The following CLSTN1 variants were observed in gnomAD, a reference collection of about 807,000 sequenced individuals.
CLSTN1 encodes calsyntenin 1.
Under a neutral mutation model 108.3 loss-of-function variants are expected in CLSTN1, and 28 were observed. The ratio of observed to expected loss-of-function variants is 0.26; its 90% CI spans 0.19 to 0.35. The LOEUF (loss-of-function observed/expected upper bound fraction) is 0.35. CLSTN1 is among the 10% of genes least tolerant of loss of function. The pLI is 1.00. For missense variants in CLSTN1, 1,157 were observed against 1,302.6 expected, an observed-to-expected ratio of 0.89 and a Z score of 1.72; for synonymous variants, 524 against 534.9, an observed-to-expected ratio of 0.98 and a Z score of 0.28.
chr1:9,787,972 G>A (rs6666402), intron 1 of CLSTN1, among the ~76,000 whole-genome samples: 117 of 151,476 alleles, frequency 7.7e-4, no homozygotes, highest in African/African-American at 2.6e-3. Context: ...ATTTGACTAA[G>A]GGTCCGGCGT....
At chr1:9,783,420 A>C (rs559818246) in intron 1 of CLSTN1, among the ~76,000 whole-genome samples, 2 of 152,304 alleles carry the variant, frequency 1.3e-5, no homozygotes, top group African/African-American at 2.4e-5. Flanking sequence ...CTCTACAAAA[A>C]AATGTTTTAA....
Position 9,791,663 on chromosome 1 carries a change from T to C in CLSTN1, c.92-18269A>G, listed in dbSNP as rs567622070. On this transcript the variant is annotated intron_variant, in intron 1 of 18. Coordinates refer to ENST00000377298, the MANE Select transcript of CLSTN1 (RefSeq NM_001009566.3). ...TCTCCTGCCTCAGCCTCCTGAGAAG[T>C]TGGGATTACAGGTGCCCACCACCAT... Among the ~76,000 whole-genome samples, 701 of 151,230 alleles carry C rather than the reference T, an allele frequency of 4.6e-3. 34 individuals are homozygous for C. The highest frequency in any genetic ancestry group is 0.046 in the East Asian group (226 of 4,932).
At chr1:9,769,366 T>A (rs116462826) in intron 2 of CLSTN1, among the ~76,000 whole-genome samples, 2 of 151,996 alleles carry the variant, frequency 1.3e-5, no homozygotes, top group African/African-American at 2.4e-5. Context: ...TGACCCATAA[T>A]AGCCAAAAAG....
chr1:9,811,304 T>C (rs1654746315), intron 1 of CLSTN1, among the ~76,000 whole-genome samples: 1 of 152,206 alleles, frequency 6.6e-6, no homozygotes, highest in Non-Finnish European at 1.5e-5. Flanking sequence ...CCAGTATTTA[T>C]TTTCTATTCA....
chr1:9,737,888 C>T (rs916218845), intron 10 of CLSTN1, among the ~76,000 whole-genome samples: 2 of 152,200 alleles, frequency 1.3e-5, no homozygotes, highest in Non-Finnish European at 2.9e-5. Flanking sequence ...GTAGGACACT[C>T]CACAGAGGCT....
chr1:9,802,870 G>C (rs943995911), intron 1 of CLSTN1, among the ~76,000 whole-genome samples: 4 of 148,680 alleles, frequency 2.7e-5, no homozygotes, highest in Non-Finnish European at 5.9e-5. Context: ...TGTCGCCCAG[G>C]CTGGAGTGCA....
rs1464716775 is a variant in CLSTN1 at position 9,749,621 on chromosome 1, C to T, written c.825G>A (p.Glu275=). 1 of 1,614,044 alleles carries T rather than the reference C, an allele frequency of 6.2e-7. No individual in the cohort carries two copies. Among genetic ancestry groups the T allele is most frequent in the Non-Finnish European group, 8.5e-7 (1 of 1,179,940 alleles). ...WQGWNNRIEY[E]PGTGALAVFP... ...AGACGGCCAACGCGCCGGTGCCCGGCTCATACTCAATCCTGTTGTTCCATC... is the reference window on the plus strand; with the variant it reads ...AGACGGCCAACGCGCCGGTGCCCGGTTCATACTCAATCCTGTTGTTCCATC... Residue 275 remains glutamate (E), a synonymous_variant, in exon 7 of 19, where the codon GAG becomes GAA. Transcript: ENST00000377298.
chr1:9,757,770 C>A (rs1362469650), intron 2 of CLSTN1, among the ~76,000 whole-genome samples: 1 of 152,112 alleles, frequency 6.6e-6, no homozygotes, highest in Non-Finnish European at 1.5e-5. Context: ...TGCTTATAAA[C>A]CCTTTACTAT....
At chr1:9,771,895 CT>C (rs1043659233) in intron 2 of CLSTN1, among the ~76,000 whole-genome samples, 101 of 151,980 alleles carry the variant, frequency 6.6e-4, no homozygotes, top group African/African-American at 2.3e-3. Context: ...TGTTTATTTC[CT>C]TCAACTTACT....
intron 1 of CLSTN1, among the ~76,000 whole-genome samples, chr1:9,795,412 C>T (rs895422433): frequency 2.0e-5 from 3 of 151,058 alleles, no homozygotes; most frequent in African/African-American, 7.3e-5. Context: ...GTGATCTGCC[C>T]GCCTCAGCCT....
chr1:9,777,983 C>G (rs1418970208), intron 1 of CLSTN1, among the ~76,000 whole-genome samples: 1 of 152,016 alleles, frequency 6.6e-6, no homozygotes, highest in African/African-American at 2.4e-5. Context: ...GAGAAGACGG[C>G]AGGGGAGGGC....
chr1:9,784,031 G>A (rs1280571500), intron 1 of CLSTN1, among the ~76,000 whole-genome samples: 2 of 151,872 alleles, frequency 1.3e-5, no homozygotes, highest in Non-Finnish European at 2.9e-5. Context: ...AATTAGCTAG[G>A]CGTGGTGGCA....
In CLSTN1 at chr1:9,749,566, C is replaced by G; in HGVS notation, c.880G>C (p.Glu294Gln). The G allele has an allele frequency of 6.2e-7, 1 of 1,614,188 alleles. No homozygotes were observed. Among genetic ancestry groups the G allele is most frequent in the Non-Finnish European group, 8.5e-7 (1 of 1,180,030 alleles). The change falls in exon 7 of 19, where the codon GAG becomes CAG. Residue 294 changes from glutamate to glutamine, a missense_variant. Glu to Gln is a conservative substitution (Grantham distance 29). Coordinates refer to ENST00000377298, the MANE Select transcript of CLSTN1 (RefSeq NM_001009566.3). The stretch of plus-strand genomic sequence containing the variant: ...GTGGCCTGTACTGAGGCGACTGGCT[C>G]GTCACATGTCTCCAGGTGGATATTT... ...FPNIHLETCD[E>Q]PVASVQATVE... is the part of the protein sequence containing the mutation.
Position 9,735,562 on chromosome 1 carries a change from C to T in CLSTN1, c.1788G>A (p.Gly596=). 1.2e-6 allele frequency: 2 copies of T among 1,614,082 alleles called. No individual in the cohort carries two copies. The highest frequency in any genetic ancestry group is 1.1e-5 in the South Asian group (1 of 91,076). ...TGTGCTGCATGGCCTTATCCAATTCCCCGAGGTCTTCTCCCTCCAAGGTCA... is the reference window on the plus strand; with the variant it reads ...TGTGCTGCATGGCCTTATCCAATTCTCCGAGGTCTTCTCCCTCCAAGGTCA... ...LVLTLEGEDL[G]ELDKAMQHIS... is the part of the protein sequence containing the mutation. The change falls in exon 13 of 19, where the codon GGG becomes GGA. Residue 596 remains glycine (G), a synonymous_variant. Coordinates refer to ENST00000377298, the MANE Select transcript of CLSTN1 (RefSeq NM_001009566.3).
At chr1:9,783,020 G>C (rs1239838143) in intron 1 of CLSTN1, among the ~76,000 whole-genome samples, 1 of 151,898 alleles carries the variant, frequency 6.6e-6, no homozygotes, top group Non-Finnish European at 1.5e-5. Flanking sequence ...AAGAAAAAGA[G>C]AGAGAGAGGC....
rs140036837 is a variant in CLSTN1 at position 9,765,117 on chromosome 1, G to A, written c.214+8155C>T. ...AACATTTAAAAAAATTGGGCCAGGC[G>A]CAGTGGCTCAGGCCTGTAATCCCAG... On this transcript the variant is annotated intron_variant, in intron 2 of 18. Coordinates refer to ENST00000377298, the MANE Select transcript of CLSTN1 (RefSeq NM_001009566.3). 4.3e-3 allele frequency among the ~76,000 whole-genome samples: 661 copies of A among 152,020 alleles called. 12 individuals carry two copies. The highest frequency in any genetic ancestry group is 0.043 in the East Asian group (222 of 5,174).
chr1:9,795,624 GA>G (rs1653953721), intron 1 of CLSTN1, among the ~76,000 whole-genome samples: 1 of 150,952 alleles, frequency 6.6e-6, no homozygotes, highest in African/African-American at 2.4e-5. Flanking sequence ...GAAGGAAAAA[GA>G]AAAAAATGTA....
rs540258308 is a variant in CLSTN1 at position 9,734,221 on chromosome 1, G to A, written c.2111-79C>T. 4.4e-5 allele frequency: 63 copies of A among 1,421,028 alleles called. No homozygotes were observed. Among genetic ancestry groups the A allele is most frequent in the East Asian group, 2.1e-4 (9 of 43,754 alleles). 88.0% of individuals were successfully genotyped at this position (1,421,028 alleles called of 1,614,324 possible). A position where few individuals can be genotyped will look rare whatever the true frequency, so the allele number is the denominator to read the frequency against. On this transcript the variant is annotated intron_variant, in intron 14 of 18. Transcript: ENST00000377298. The surrounding 1 kb of genome is among the most constrained non-coding windows in gnomAD (Gnocchi z 4.8). ...GGCGGGGCACACTGGATGCCCTGCCGGCTCACCCCAAACCTACATGGCTCT... is the reference window on the plus strand; with the variant it reads ...GGCGGGGCACACTGGATGCCCTGCCAGCTCACCCCAAACCTACATGGCTCT...
chr1:9,732,945 C>G (rs1040617661), intron 16 of CLSTN1, among the ~76,000 whole-genome samples: 1 of 152,202 alleles, frequency 6.6e-6, no homozygotes, highest in Non-Finnish European at 1.5e-5. Flanking sequence ...AATCCTAGCA[C>G]TTTTGGAGGC....
Sources: allele counts gnomAD v4.1 joint callset (sites outside exome capture counted in the v4.1 genomes callset), GRCh38; gene constraint gnomAD v4.1.1; non-coding constraint Gnocchi (gnomAD v3.1); transcripts MANE v1.5; gene names NCBI Gene and HGNC (gene_info 2026-07-23, HGNC 2026-07-21).